The following CNNM2 variants were observed in gnomAD, a reference collection of about 807,000 sequenced individuals.
The protein encoded by CNNM2 is cyclin and CBS domain divalent metal cation transport mediator 2.
In CNNM2, 12 loss-of-function variants were observed where a neutral mutation model predicts 66.9. The observed-to-expected ratio is 0.18, with a 90% CI of 0.11 to 0.29. The LOEUF is 0.29. Ranked by LOEUF, CNNM2 falls within the 10% of genes least tolerant of loss-of-function variation. The pLI is 1.00. For synonymous variants in CNNM2, 557 were observed against 501.8 expected (o/e 1.11, Z -1.47); for missense variants, 705 against 1,167.7 (o/e 0.60, Z 5.77).
At chr10:103,041,880 A>C (rs1164382588) in intron 1 of CNNM2, among the ~76,000 whole-genome samples, 1 of 151,914 alleles carries the variant, frequency 6.6e-6, no homozygotes, top group Non-Finnish European at 1.5e-5. Context: ...CCCCATGCTT[A>C]GCGCTGGCTC....
At chr10:102,930,137 C>G (rs551343673) in intron 1 of CNNM2, among the ~76,000 whole-genome samples, 65 of 152,246 alleles carry the variant, frequency 4.3e-4, no homozygotes, top group African/African-American at 1.4e-3. Flanking sequence ...ATATCTAACA[C>G]TTCAAGGCAA....
intron 1 of CNNM2, among the ~76,000 whole-genome samples, chr10:102,926,356 G>A (rs1168422049): frequency 2.6e-5 from 4 of 152,142 alleles, no homozygotes; most frequent in Admixed American, 2.6e-4. Context: ...GGATGAAGCG[G>A]GAAAGGAACT....
At chr10:102,998,472 G>A (rs191491939) in intron 1 of CNNM2, among the ~76,000 whole-genome samples, 5 of 152,132 alleles carry the variant, frequency 3.3e-5, no homozygotes, top group East Asian at 1.9e-4. Flanking sequence ...GTATATATGC[G>A]AACTTAAAGT....
chr10:103,010,413 A>G (rs1412913328), intron 1 of CNNM2, among the ~76,000 whole-genome samples: 1 of 150,658 alleles, frequency 6.6e-6, no homozygotes, highest in Non-Finnish European at 1.5e-5. Context: ...AATTTTTTGT[A>G]GAGATGGGGT....
intron 1 of CNNM2, among the ~76,000 whole-genome samples, chr10:103,043,503 G>A (rs780287163): frequency 6.6e-6 from 1 of 152,204 alleles, no homozygotes; most frequent in Non-Finnish European, 1.5e-5. Context: ...AATGGTATCT[G>A]TCATTTAAAA....
intron 4 of CNNM2, among the ~76,000 whole-genome samples, chr10:103,065,404 C>T (rs2065459700): frequency 6.6e-6 from 1 of 152,166 alleles, no homozygotes; most frequent in South Asian, 2.1e-4. Flanking sequence ...GTGTGCAAGG[C>T]AGAGCTTCAG....
chr10:102,927,851 TC>T lies in CNNM2; in HGVS notation c.1621+7753del, dbSNP rs2134162784. 2.0e-5 allele frequency among the ~76,000 whole-genome samples: 3 copies of T among 152,294 alleles called. No individual in the cohort carries two copies. In the South Asian group the frequency reaches 6.2e-4, roughly 32 times the overall value. On this transcript the variant is annotated intron_variant, in intron 1 of 7. Coordinates refer to ENST00000369878, the MANE Select transcript of CNNM2 (RefSeq NM_017649.5). ...TGGATAATGGGGATGCCAAACCCTC[TC>T]CCTGTGTTACATTAGTGCTATGACT... is the stretch of plus-strand genomic sequence containing the variant.
chr10:103,017,371 C>T (rs899821242), intron 1 of CNNM2, among the ~76,000 whole-genome samples: 4 of 152,128 alleles, frequency 2.6e-5, no homozygotes, highest in African/African-American at 9.7e-5. Flanking sequence ...ATGTCCCTGC[C>T]TTCTTGGTTT....
chr10:103,057,512 C>G (rs1296994841), intron 4 of CNNM2, among the ~76,000 whole-genome samples: 1 of 150,922 alleles, frequency 6.6e-6, no homozygotes, highest in Non-Finnish European at 1.5e-5. Context: ...ATTACTGAGT[C>G]AGATGAAAAT....
intron 1 of CNNM2, among the ~76,000 whole-genome samples, chr10:103,046,386 GT>G (rs980395270): frequency 2.0e-5 from 3 of 152,170 alleles, no homozygotes; most frequent in African/African-American, 7.2e-5. Context: ...GCTTGTGGGA[GT>G]TATTTATATT....
At chr10:103,057,815 G>T (rs1396060123) in intron 4 of CNNM2, among the ~76,000 whole-genome samples, 2 of 152,214 alleles carry the variant, frequency 1.3e-5, no homozygotes, top group Non-Finnish European at 2.9e-5. Flanking sequence ...CAGCAGAGTA[G>T]CTAATTCCTT....
rs1277503129 is a variant in CNNM2 at position 103,090,076 on chromosome 10, T to G, written c.*12896T>G. ...ATAGAACTACTTATAGTTGCCTGTCTTCCTCTCTCCCTGCCCCTCAAAATG... is the reference window on the plus strand; with the variant it reads ...ATAGAACTACTTATAGTTGCCTGTCGTCCTCTCTCCCTGCCCCTCAAAATG... On this transcript the variant is annotated 3_prime_UTR_variant, in exon 8 of 8. Coordinates refer to ENST00000369878, the MANE Select transcript of CNNM2 (RefSeq NM_017649.5). 1 of 508,138 alleles carries G rather than the reference T, an allele frequency of 2.0e-6. No homozygotes were observed. Among genetic ancestry groups the G allele is most frequent in the Non-Finnish European group, 3.4e-6 (1 of 296,252 alleles). The allele number at this position is 508,138 out of a possible 1,614,324, so 31.5% of individuals were successfully genotyped here.
At chr10:102,927,103 C>T (rs1288453373) in intron 1 of CNNM2, among the ~76,000 whole-genome samples, 1 of 150,482 alleles carries the variant, frequency 6.6e-6, no homozygotes, top group East Asian at 1.9e-4. Context: ...AAGAGCAAAC[C>T]TGTAGAGTGT....
At chr10:103,065,207 T>C (rs1449219694) in intron 4 of CNNM2, among the ~76,000 whole-genome samples, 1 of 152,190 alleles carries the variant, frequency 6.6e-6, no homozygotes, top group Non-Finnish European at 1.5e-5. Context: ...GGGCACACAG[T>C]TTCCAGGGCT....
rs928256375 is a variant in CNNM2 at position 103,068,712 on chromosome 10, A to G, written c.2157A>G (p.Thr719=). Residue 719 remains threonine (T), a synonymous_variant, in exon 5 of 8, where the codon ACA becomes ACG. Transcript: ENST00000369878. ...CATACTATGGCGTGATGGCCCTGAC[A>G]GCCTCTCCAGGTATGTTTGGTTCCC... is the stretch of plus-strand genomic sequence containing the variant. ...AFSYYGVMAL[T]ASPVPLSLSR... 6.2e-7 allele frequency: 1 copy of G among 1,612,196 alleles called. No individual in the cohort carries two copies. The highest frequency in any genetic ancestry group is 1.3e-5 in the African/African-American group (1 of 74,922).
intron 1 of CNNM2, among the ~76,000 whole-genome samples, chr10:102,990,489 T>A (rs1006027759): frequency 6.6e-6 from 1 of 152,164 alleles, no homozygotes; most frequent in Non-Finnish European, 1.5e-5. Flanking sequence ...GTGGTATAGA[T>A]GAATAGAATC....
At chr10:102,956,288 C>CAAAAAAA (rs371126297) in intron 1 of CNNM2, among the ~76,000 whole-genome samples, 1 of 74,028 alleles carries the variant, frequency 1.4e-5, no homozygotes, top group African/African-American at 5.8e-5. Context: ...GATTCCATCT[C>CAAAAAAA]AAAAAAAAAA....
chr10:103,014,300 C>T (rs1295688100), intron 1 of CNNM2, among the ~76,000 whole-genome samples: 1 of 152,172 alleles, frequency 6.6e-6, no homozygotes, highest in East Asian at 1.9e-4. Context: ...GTGATACTAA[C>T]GATGGTGATA....
intron 1 of CNNM2, among the ~76,000 whole-genome samples, chr10:102,988,805 T>C (rs2063844453): frequency 6.6e-6 from 1 of 152,154 alleles, no homozygotes; most frequent in African/African-American, 2.4e-5. Flanking sequence ...TCAAAGCCAT[T>C]ATGGTGCTTT....
Sources: allele counts gnomAD v4.1 joint callset (sites outside exome capture counted in the v4.1 genomes callset), GRCh38; gene constraint gnomAD v4.1.1; transcripts MANE v1.5; gene names NCBI Gene and HGNC (gene_info 2026-07-23, HGNC 2026-07-21).